SULF2: variants seen among roughly 807,000 people sequenced by gnomAD.
SULF2 encodes the protein sulfatase 2.
A neutral mutation model predicts 107.7 loss-of-function variants in SULF2; 52 were observed. The ratio of observed to expected loss-of-function variants is 0.48; its 90% confidence interval spans 0.39 to 0.61. The LOEUF (loss-of-function observed/expected upper bound fraction) is 0.61, where lower values mean the gene tolerates loss of function less well. SULF2 is among the 20% of genes least tolerant of loss of function. SULF2 has a pLI of 0.00. For missense variants in SULF2, 993 were observed against 1,177.3 expected, an observed-to-expected ratio of 0.84 and a Z score of 2.29; for synonymous variants, 460 against 464.3, an observed-to-expected ratio of 0.99 and a Z score of 0.12.
intron 7 of SULF2, among the ~76,000 whole-genome samples, chr20:47,679,573 A>G (rs2087758158): frequency 6.6e-6 from 1 of 152,208 alleles, no homozygotes; most frequent in Non-Finnish European, 1.5e-5. Flanking sequence ...CTAGACTGTG[A>G]GCAGTCTGGG....
In SULF2 at chr20:47,720,412, C is replaced by A. The variant is rs376672505; in HGVS notation, c.415+16291G>T. On this transcript the variant is annotated intron_variant, in intron 3 of 20. Coordinates refer to ENST00000688720, the MANE Select transcript of SULF2 (RefSeq NM_001387048.1). Reference sequence around the variant, plus strand: ...TTGGGAGTACAGGTGCACACCACCACGCCCGGCTAATTCTTTTGTATTTTT... The same window carrying A: ...TTGGGAGTACAGGTGCACACCACCAAGCCCGGCTAATTCTTTTGTATTTTT... 2.3e-3 allele frequency among the ~76,000 whole-genome samples: 353 copies of A among 152,176 alleles called. 1 individual carries two copies. Among genetic ancestry groups the A allele is most frequent in the African/African-American group, 8.0e-3 (332 of 41,506 alleles).
At chr20:47,746,644 C>T (rs767285416) in intron 2 of SULF2, among the ~76,000 whole-genome samples, 5 of 151,966 alleles carry the variant, frequency 3.3e-5, no homozygotes, top group Non-Finnish European at 7.4e-5. Flanking sequence ...AAATCGGGAG[C>T]CACACTTGGG....
chr20:47,675,805 T>A (rs1415817038), intron 10 of SULF2, among the ~76,000 whole-genome samples: 2 of 134,042 alleles, frequency 1.5e-5, no homozygotes, highest in East Asian at 4.7e-4. Flanking sequence ...CAGAAAAGCC[T>A]CCTTCAGGCT....
chr20:47,692,568 A>T (rs1231989965), intron 4 of SULF2, among the ~76,000 whole-genome samples: 1 of 151,868 alleles, frequency 6.6e-6, no homozygotes, highest in Non-Finnish European at 1.5e-5. Flanking sequence ...GTGCCACCAC[A>T]CCCAGCTAAT....
chr20:47,689,797 C>G (rs964853720), intron 5 of SULF2: 16 of 202,562 alleles, frequency 7.9e-5, no homozygotes, highest in Admixed American at 4.8e-4. Flanking sequence ...TATAGACCCC[C>G]TCCTCAAAAG....
chr20:47,685,695 AG>A (rs2087978004), intron 5 of SULF2: 2 of 151,884 alleles, frequency 1.3e-5, no homozygotes, highest in Non-Finnish European at 2.9e-5. Flanking sequence ...TTGTAGTTTT[AG>A]TAGAGATGGG....
At chr20:47,731,187 CTTTT>C (rs71183273) in intron 3 of SULF2, among the ~76,000 whole-genome samples, 9 of 81,180 alleles carry the variant, frequency 1.1e-4, no homozygotes, top group Non-Finnish European at 1.5e-4. Context: ...TGTATCTTCT[CTTTT>C]TTTTTTTTTT....
chr20:47,709,029 A>G (rs1475342999), intron 3 of SULF2, among the ~76,000 whole-genome samples: 3 of 152,184 alleles, frequency 2.0e-5, no homozygotes, highest in South Asian at 2.1e-4. Flanking sequence ...TCATTTGATT[A>G]TATTTCCCCA....
chr20:47,749,414 GAA>G, intron 2 of SULF2, among the ~76,000 whole-genome samples: 1 of 152,350 alleles, frequency 6.6e-6, no homozygotes, highest in African/African-American at 2.4e-5. Flanking sequence ...GTGTGGGTCC[GAA>G]TGAGCCTCTC....
At chr20:47,668,112 C>A (rs1446253245) in intron 11 of SULF2, among the ~76,000 whole-genome samples, 1 of 152,194 alleles carries the variant, frequency 6.6e-6, no homozygotes, top group Admixed American at 6.5e-5. Context: ...AGGTCCTGCC[C>A]CGAGAGGCTC....
In SULF2 at chr20:47,760,355, C is replaced by T. The variant is rs559810050; in HGVS notation, c.-100-2892G>A. Among the ~76,000 whole-genome samples the T allele has an allele frequency of 3.1e-4, 47 of 152,272 alleles. No homozygotes were observed. In the South Asian group the frequency reaches 9.5e-3, roughly 31 times the overall value. On this transcript the variant is annotated intron_variant, in intron 1 of 20. Transcript: ENST00000688720. ...TCCGTGCATTTATTCTCCTCCCGCA[C>T]GCAGTAGCTCCCCAGGCAGTAGCCT...
At chr20:47,702,720 G>C (rs368160755) in intron 3 of SULF2, 50 bp from the exon 4 acceptor site, 1 of 1,594,790 alleles carries the variant, frequency 6.3e-7, no homozygotes, top group Non-Finnish European at 8.6e-7. Flanking sequence ...GCCTGACGAT[G>C]TTTATTAAAC....
At chr20:47,710,062 C>T (rs1291090530) in intron 3 of SULF2, among the ~76,000 whole-genome samples, 1 of 152,122 alleles carries the variant, frequency 6.6e-6, no homozygotes, top group Non-Finnish European at 1.5e-5. Flanking sequence ...ACACCACGCC[C>T]AGCTAATTTT....
At chr20:47,688,511 T>G (rs926402329) in intron 5 of SULF2, among the ~76,000 whole-genome samples, 12 of 152,246 alleles carry the variant, frequency 7.9e-5, no homozygotes, top group African/African-American at 2.7e-4. Flanking sequence ...TTAGAGATGC[T>G]GCCGAAGCAA....
chr20:47,735,119 T>A (rs73624701), intron 3 of SULF2, among the ~76,000 whole-genome samples: 2,823 of 152,224 alleles, frequency 0.019, 75 homozygotes, highest in East Asian at 0.086. Context: ...CACAAACACC[T>A]CACTTTGACT....
Position 47,757,353 on chromosome 20 carries a change from G to A in SULF2, c.11C>T (p.Pro4Leu), listed in dbSNP as rs368388121. Residue 4 changes from proline to leucine, a missense_variant, in exon 2 of 21, where the codon CCG (proline) becomes CTG (leucine). Pro to Leu is a moderately conservative substitution (Grantham distance 98). Transcript: ENST00000688720. ...GGACAGCAAGCACAGCACGAGGCTCGGGGGGCCCATCTTCTTTTTTTGCTG... is the reference window on the plus strand; with the variant it reads ...GGACAGCAAGCACAGCACGAGGCTCAGGGGGCCCATCTTCTTTTTTTGCTG... MGP[P>L]SLVLCLLSAT... is the part of the protein sequence containing the mutation. 5.0e-6 allele frequency: 8 copies of A among 1,589,584 alleles called. No homozygotes were observed. Among genetic ancestry groups the A allele is most frequent in the Middle Eastern group, 1.7e-4 (1 of 6,052 alleles).
At chr20:47,752,305 G>A (rs2090174615) in intron 2 of SULF2, among the ~76,000 whole-genome samples, 1 of 152,188 alleles carries the variant, frequency 6.6e-6, no homozygotes, top group East Asian at 1.9e-4. Flanking sequence ...TTATAGATGA[G>A]TAAACTGAGG....
At chr20:47,780,064 T>C (rs1312578855) in intron 1 of SULF2, among the ~76,000 whole-genome samples, 2 of 147,104 alleles carry the variant, frequency 1.4e-5, no homozygotes, top group Non-Finnish European at 3.0e-5. Flanking sequence ...TTGCCCAGGC[T>C]GGAATGCAGA....
intron 3 of SULF2, among the ~76,000 whole-genome samples, chr20:47,729,676 C>T (rs564425442): frequency 5.9e-5 from 9 of 152,232 alleles, no homozygotes; most frequent in East Asian, 3.9e-4. Context: ...TGAGAGGCGC[C>T]GGGGAGGCGG....
Sources: allele counts gnomAD v4.1 joint callset (sites outside exome capture counted in the v4.1 genomes callset), GRCh38; gene constraint gnomAD v4.1.1; transcripts MANE v1.5; gene names NCBI Gene and HGNC (gene_info 2026-07-23, HGNC 2026-07-21).